MXRA7: variants seen among roughly 807,000 people sequenced by gnomAD.
MXRA7 encodes the protein matrix-remodeling-associated protein 7.
MXRA7 carries 18 observed loss-of-function variants against 17.4 expected under a neutral mutation model. The observed-to-expected ratio is 1.03, with a 90% confidence interval of 0.71 to 1.53. MXRA7 has a LOEUF of 1.53. Among genes scored for constraint, MXRA7 ranks in the 40% most tolerant of loss-of-function variants. MXRA7 has a pLI of 0.00. For synonymous variants in MXRA7, 70 were observed against 101.7 expected (o/e 0.69, Z 1.87); for missense variants, 141 against 209.3 (o/e 0.67, Z 2.01).
downstream of MXRA7, among the ~76,000 whole-genome samples, chr17:76,678,872 G>T (rs944068027): frequency 5.3e-5 from 8 of 151,948 alleles, no homozygotes; most frequent in African/African-American, 1.9e-4. Context: ...GTCTAGAGCA[G>T]CATCTAGTAG....
At position 76,680,431 on chromosome 17, in the gene MXRA7, G is replaced by T. The variant is rs145753561; in HGVS notation, c.*436C>A. The T allele has an allele frequency of 1.0e-6, 1 of 988,206 alleles. No individual in the cohort carries two copies. The highest frequency in any genetic ancestry group is 1.2e-6 in the Non-Finnish European group (1 of 831,898). The allele number at this position is 988,206 out of a possible 1,614,324, so 61.2% of individuals were successfully genotyped here. ...AGCACAGGTGAGCTCTACCTCATTT[G>T]TCTCTCATTCCTCAAAGTCTTCTGT... On this transcript the variant is annotated 3_prime_UTR_variant, in exon 4 of 4. Transcript: ENST00000449428.
chr17:76,690,468 G>A (rs1028475799), intron 1 of MXRA7, among the ~76,000 whole-genome samples: 1 of 152,052 alleles, frequency 6.6e-6, no homozygotes, highest in African/African-American at 2.4e-5. Context: ...TCAGCACTTT[G>A]GGAGGCTGAG....
chr17:76,699,619 A>G (rs1485767128), intron 1 of MXRA7, among the ~76,000 whole-genome samples: 1 of 152,122 alleles, frequency 6.6e-6, no homozygotes, highest in Non-Finnish European at 1.5e-5. Flanking sequence ...TCTCTCCTCG[A>G]TGGCTAAGAA....
chr17:76,683,965 G>A (rs768583274), intron 3 of MXRA7: 6 of 1,533,450 alleles, frequency 3.9e-6, no homozygotes, highest in East Asian at 2.2e-5. Context: ...CATGCCAAGC[G>A]GCAGCATCCT....
At chr17:76,704,908 G>A (rs983501656) in intron 1 of MXRA7, among the ~76,000 whole-genome samples, 1 of 152,004 alleles carries the variant, frequency 6.6e-6, no homozygotes, top group Non-Finnish European at 1.5e-5. Context: ...CAAGCCCAGT[G>A]TGGCCAAACG....
chr17:76,673,176 G>GT (rs1419842182), exon 4 of MXRA7: 1 of 152,208 alleles, frequency 6.6e-6, no homozygotes, highest in African/African-American at 2.4e-5. Flanking sequence ...GAGGTGGGCT[G>GT]CCCCCAGAAC....
At chr17:76,707,594 G>A (rs954622346) in intron 1 of MXRA7, among the ~76,000 whole-genome samples, 6 of 152,062 alleles carry the variant, frequency 3.9e-5, no homozygotes, top group African/African-American at 1.2e-4. Flanking sequence ...GTGAGCCATC[G>A]CGCCCGGGCT....
At chr17:76,706,431 GA>G (rs1388816562) in intron 1 of MXRA7, among the ~76,000 whole-genome samples, 6 of 146,324 alleles carry the variant, frequency 4.1e-5, no homozygotes, top group Admixed American at 2.7e-4. Flanking sequence ...CATCACAAAG[GA>G]CCACACTGCC....
intron 1 of MXRA7, chr17:76,688,606 C>T: frequency 8.0e-7 from 1 of 1,250,766 alleles, no homozygotes. Flanking sequence ...GGCTTTGCTT[C>T]CTTCTATGTT....
intron 1 of MXRA7, chr17:76,689,077 G>C (rs2076446630): frequency 6.5e-6 from 1 of 154,588 alleles, no homozygotes; most frequent in Non-Finnish European, 1.4e-5. Flanking sequence ...TTGTTTGTTT[G>C]GTTTCTGTTT....
At chr17:76,707,642 G>A (rs1383166556) in intron 1 of MXRA7, among the ~76,000 whole-genome samples, 2 of 152,088 alleles carry the variant, frequency 1.3e-5, no homozygotes, top group African/African-American at 2.4e-5. Context: ...CCCAAGTACC[G>A]AGATACTTGA....
chr17:76,710,546 G>C (rs956084873), intron 1 of MXRA7, 59 bp downstream of exon 1: 5 of 1,214,198 alleles, frequency 4.1e-6, no homozygotes, highest in Non-Finnish European at 3.1e-6. Context: ...GGCGGGGAAC[G>C]GCAGCGGCAG....
intron 1 of MXRA7, among the ~76,000 whole-genome samples, chr17:76,692,916 T>A (rs2076492722): frequency 6.6e-6 from 1 of 152,058 alleles, no homozygotes; most frequent in African/African-American, 2.4e-5. Context: ...AAGAACTGGA[T>A]TTTGTGCACA....
downstream of MXRA7, chr17:76,677,300 A>AAACG (rs1194087262): frequency 3.5e-6 from 1 of 283,816 alleles, no homozygotes; most frequent in Admixed American, 4.8e-5. Context: ...TCAAACAAAC[A>AAACG]AAAAAAGATT....
intron 3 of MXRA7, chr17:76,683,922 T>G: frequency 6.2e-7 from 1 of 1,613,566 alleles, no homozygotes. Flanking sequence ...AGAGGTCAGC[T>G]CAATCCTGAA....
intron 3 of MXRA7, among the ~76,000 whole-genome samples, chr17:76,683,046 G>T (rs894178154): frequency 6.6e-6 from 1 of 152,200 alleles, no homozygotes; most frequent in Middle Eastern, 3.2e-3. Flanking sequence ...GGGTGGCAGT[G>T]GCAGTTTCAC....
At chr17:76,701,343 G>A (rs984747376) in intron 1 of MXRA7, among the ~76,000 whole-genome samples, 1 of 149,382 alleles carries the variant, frequency 6.7e-6, no homozygotes, top group African/African-American at 2.5e-5. Flanking sequence ...CTTTTGGTCT[G>A]AGCAGCTGAG....
Position 76,688,135 on chromosome 17 carries a change from C to T in MXRA7, c.384G>A (p.Ser128=), listed in dbSNP as rs139778980. The change falls in exon 2 of 4, where the codon TCG becomes TCA. Residue 128 remains serine (S), a synonymous_variant. Coordinates refer to ENST00000449428, the MANE Select transcript of MXRA7 (RefSeq NM_198530.4). ...CACCGTCCTCCTCCTCAGGCCCTTC[C>T]GATGATGGCCCCTTCTCACCATCCA... is the stretch of plus-strand genomic sequence containing the variant. The part of the protein sequence containing the change: ...QDLDGEKGPS[S]EGPEEEDGEG... 1.9e-5 allele frequency: 31 copies of T among 1,614,040 alleles called. No homozygotes were observed. Among genetic ancestry groups the T allele is most frequent in the East Asian group, 1.1e-4 (5 of 44,874 alleles).
downstream of MXRA7, among the ~76,000 whole-genome samples, chr17:76,679,287 CAA>C (rs71158050): frequency 2.0e-4 from 24 of 121,628 alleles, no homozygotes; most frequent in Admixed American, 2.4e-4. Context: ...GGCCCTGTCT[CAA>C]AAAAAAAAAA....
Sources: allele counts gnomAD v4.1 joint callset (sites outside exome capture counted in the v4.1 genomes callset), GRCh38; gene constraint gnomAD v4.1.1; transcripts MANE v1.5; gene names NCBI Gene and HGNC (gene_info 2026-07-23, HGNC 2026-07-21).